ATAT1: variants seen among roughly 807,000 people sequenced by gnomAD.
The protein encoded by ATAT1 is alpha tubulin acetyltransferase 1.
ATAT1 carries 42 observed loss-of-function variants against 57.2 expected under a neutral mutation model. The ratio of observed to expected loss-of-function variants is 0.73; its 90% CI spans 0.57 to 0.95. The LOEUF (loss-of-function observed/expected upper bound fraction) is 0.95, where lower values mean the gene tolerates loss of function less well. Among genes scored for constraint, ATAT1 ranks in the 40% least tolerant of loss-of-function variants. The probability of loss-of-function intolerance (pLI) is 0.00; values close to 1 mark genes in which losing one functional copy is unlikely to be tolerated. For synonymous variants in ATAT1, 168 were observed against 187.1 expected (o/e 0.90, Z 0.83); for missense variants, 454 against 523.7 (o/e 0.87, Z 1.30).
Position 30,627,534 on chromosome 6 carries a change from T to G in ATAT1, c.132+14T>G. 1 of 1,611,874 alleles carries G rather than the reference T, an allele frequency of 6.2e-7. No individual in the cohort carries two copies. Among genetic ancestry groups the G allele is most frequent in the Non-Finnish European group, 8.5e-7 (1 of 1,178,802 alleles). On this transcript the variant is annotated intron_variant, in intron 2 of 12. Coordinates refer to ENST00000330083, the MANE Select transcript of ATAT1 (RefSeq NM_001031722.4). Reference sequence around the variant, plus strand: ...GCTTCTGCCAAGGTACTGGAGAGTTTTTAGATGGAGTAAAGGGAGGACCTC... The same window carrying G: ...GCTTCTGCCAAGGTACTGGAGAGTTGTTAGATGGAGTAAAGGGAGGACCTC...
In ATAT1 at chr6:30,631,042, A is replaced by T. The variant is rs116178854; in HGVS notation, c.501+2612A>T. On this transcript the variant is annotated intron_variant, in intron 6 of 12. Coordinates refer to ENST00000330083, the MANE Select transcript of ATAT1 (RefSeq NM_001031722.4). ...GAGAGACAAACAAACATAATAAACA[A>T]TATGGTTAATAAGTGCTCTGGAAAA... Among the ~76,000 whole-genome samples, 1,489 of 152,242 alleles carry T rather than the reference A, an allele frequency of 9.8e-3. 19 individuals are homozygous for T. Among genetic ancestry groups the T allele is most frequent in the African/African-American group, 0.026 (1,074 of 41,536 alleles).
rs747510164 is a variant in ATAT1, at chr6:30,642,879, G to A, written c.800G>A (p.Arg267Gln). The change falls in exon 10 of 13, where the codon CGA (arginine) becomes CAA (glutamine). Residue 267 changes from arginine (R) to glutamine (Q), a missense_variant. Arg to Gln is a conservative substitution (Grantham distance 43). Coordinates refer to ENST00000330083, the MANE Select transcript of ATAT1 (RefSeq NM_001031722.4). ...AGCAGCCTGGGAAACTCACCAGAACGAGGTCCCCTCCGCCCCTTTGTGCCA... is the reference window on the plus strand; with the variant it reads ...AGCAGCCTGGGAAACTCACCAGAACAAGGTCCCCTCCGCCCCTTTGTGCCA... The A allele has an allele frequency of 1.7e-5, 22 of 1,303,514 alleles. No individual in the cohort carries two copies. The highest frequency in any genetic ancestry group is 7.4e-5 in the African/African-American group (4 of 54,346). 80.7% of individuals were successfully genotyped at this position (1,303,514 alleles called of 1,614,324 possible).
intron 6 of ATAT1, 100 bp from the exon 7 acceptor site, chr6:30,640,275 CTG>C (rs1765128638): frequency 7.8e-7 from 1 of 1,281,060 alleles, no homozygotes; most frequent in Non-Finnish European, 1.1e-6. Flanking sequence ...TAAGTACACT[CTG>C]TGATGTTCAC....
chr6:30,642,863 G>A lies in ATAT1; in HGVS notation c.784G>A (p.Gly262Arg). ...CCCACCCCCCCGCTCCAGCAGCCTG[G>A]GAAACTCACCAGAACGAGGTCCCCT... Residue 262 changes from glycine to arginine, a missense_variant, in exon 10 of 13, where the codon GGA (glycine) becomes AGA (arginine). Coordinates refer to ENST00000330083, the MANE Select transcript of ATAT1 (RefSeq NM_001031722.4). 9.6e-7 allele frequency: 1 copy of A among 1,045,018 alleles called. No homozygotes were observed. The highest frequency in any genetic ancestry group is 1.3e-6 in the Non-Finnish European group (1 of 785,600). The allele number at this position is 1,045,018 out of a possible 1,614,324, so 64.7% of individuals were successfully genotyped here.
Position 30,627,086 on chromosome 6 carries a change from GC to G in ATAT1, c.-114del, listed in dbSNP as rs1033323655. On this transcript the variant is annotated 5_prime_UTR_variant, in exon 1 of 13. Transcript: ENST00000330083. ...GCCCCCTTCTCACTGACTAGTGATCGCCCCTTTTGATGTCCAGGCCTGCCTT... is the reference window on the plus strand; with the variant it reads ...GCCCCCTTCTCACTGACTAGTGATCGCCCTTTTGATGTCCAGGCCTGCCTT... The G allele has an allele frequency of 1.9e-6, 3 of 1,554,894 alleles. No individual in the cohort carries two copies. Among genetic ancestry groups the G allele is most frequent in the African/African-American group, 2.7e-5 (2 of 73,454 alleles).
At chr6:30,643,809 A>T in intron 10 of ATAT1, 3 of 1,335,958 alleles carry the variant, frequency 2.2e-6, no homozygotes, top group Non-Finnish European at 2.9e-6. Context: ...CTTTCCCAAC[A>T]GGAAGTCTGA....
In ATAT1 at chr6:30,646,123, C is replaced by T; in HGVS notation, c.1055+14C>T. The T allele has an allele frequency of 6.2e-7, 1 of 1,604,750 alleles. No homozygotes were observed. On this transcript the variant is annotated intron_variant, in intron 12 of 12. Transcript: ENST00000330083. ...AACAAAGAATAGGTGAGGTCTAAAC[C>T]CCTCCCCTAACAGCCTCCCACCACC...
chr6:30,646,153 G>C, intron 12 of ATAT1, 44 bp downstream of exon 12: 1 of 1,590,606 alleles, frequency 6.3e-7, no homozygotes, highest in Non-Finnish European at 8.6e-7. Context: ...ACCACCATCT[G>C]ACTCCCTTCC....
chr6:30,634,849 G>GGGAGCC (rs1763719556), intron 6 of ATAT1, among the ~76,000 whole-genome samples: 2 of 151,962 alleles, frequency 1.3e-5, no homozygotes, highest in African/African-American at 4.8e-5. Context: ...TTAGCCAGGC[G>GGGAGCC]TGGTGGCGGG....
chr6:30,637,514 C>A (rs1017636810), intron 6 of ATAT1, among the ~76,000 whole-genome samples: 2 of 151,972 alleles, frequency 1.3e-5, no homozygotes, highest in Admixed American at 6.6e-5. Context: ...GAAACCCCAT[C>A]TCTATTAAAA....
chr6:30,632,298 G>C (rs1203074462), intron 6 of ATAT1, among the ~76,000 whole-genome samples: 2 of 150,970 alleles, frequency 1.3e-5, no homozygotes, highest in Non-Finnish European at 2.9e-5. Flanking sequence ...AATAGCGCCA[G>C]GTGTGGTATC....
At position 30,627,456 on chromosome 6, in the gene ATAT1, C is replaced by T; in HGVS notation, c.72-4C>T. On this transcript the variant is annotated splice_polypyrimidine_tract_variant and splice_region_variant and intron_variant, in intron 1 of 12. Coordinates refer to ENST00000330083, the MANE Select transcript of ATAT1 (RefSeq NM_001031722.4). ...CTGACTCTTTATTTCTTCTCTTTCT[C>T]TAGTGTTGATCTACAGCAGCAAATT... 1 of 1,613,126 alleles carries T rather than the reference C, an allele frequency of 6.2e-7. No homozygotes were observed. Among genetic ancestry groups the T allele is most frequent in the Non-Finnish European group, 8.5e-7 (1 of 1,179,192 alleles).
chr6:30,633,281 A>G (rs943609981), intron 6 of ATAT1, among the ~76,000 whole-genome samples: 3 of 152,198 alleles, frequency 2.0e-5, no homozygotes, highest in African/African-American at 7.2e-5. Flanking sequence ...TGATATGTCC[A>G]GGTTTGAGTA....
intron 12 of ATAT1, 161 bp downstream of exon 12, chr6:30,646,270 C>G (rs992361580): frequency 2.1e-6 from 3 of 1,458,042 alleles, no homozygotes; most frequent in Non-Finnish European, 1.8e-6. Flanking sequence ...CCCTTTCCCC[C>G]ACAGGTTCAA....
chr6:30,643,947 G>A, intron 10 of ATAT1: 1 of 1,081,314 alleles, frequency 9.2e-7, no homozygotes, highest in Non-Finnish European at 1.1e-6. Flanking sequence ...ACTTTTTAAG[G>A]AATTTTATCT....
Position 30,646,623 on chromosome 6 carries a change from C to A in ATAT1, c.1210C>A (p.Arg404Ser). Reference sequence around the variant, plus strand: ...GTTCATTCGAAACCTGCAGGAACGTCGCAGCACCAGGCCTTGGTGACCGCA... The same window carrying A: ...GTTCATTCGAAACCTGCAGGAACGTAGCAGCACCAGGCCTTGGTGACCGCA... Residue 404 changes from arginine to serine, a missense_variant, in exon 13 of 13, where the codon CGC becomes AGC. Arg to Ser is a moderately radical substitution (Grantham distance 110). Coordinates refer to ENST00000330083, the MANE Select transcript of ATAT1 (RefSeq NM_001031722.4). The A allele has an allele frequency of 6.4e-7, 1 of 1,568,230 alleles. No homozygotes were observed.
intron 10 of ATAT1, 100 bp downstream of exon 10, chr6:30,643,111 G>C (rs531089990): frequency 6.6e-7 from 1 of 1,515,368 alleles, no homozygotes; most frequent in East Asian, 2.3e-5. Context: ...GGATCAATAA[G>C]ATGGGTGGCT....
At position 30,644,273 on chromosome 6, in the gene ATAT1, G is replaced by A. The variant is rs548136932; in HGVS notation, c.932+1262G>A. 1.4e-4 allele frequency: 138 copies of A among 985,814 alleles called. No homozygotes were observed. In the African/African-American group the frequency reaches 2.1e-3, roughly 15 times the overall value. 61.1% of individuals were successfully genotyped at this position (985,814 alleles called of 1,614,324 possible). A position where few individuals can be genotyped will look rare whatever the true frequency, so the allele number is the denominator to read the frequency against. On this transcript the variant is annotated intron_variant, in intron 10 of 12. Transcript: ENST00000330083. ...GATTCTCTGAGGGAGGTTGTTTCTT[G>A]AGAGTAGATCCAGAGTGTCAAGGAT...
At chr6:30,642,711 G>A in intron 9 of ATAT1, 57 bp from the exon 10 acceptor site, 1 of 1,112,062 alleles carries the variant, frequency 9.0e-7, no homozygotes, top group Non-Finnish European at 1.4e-6. Flanking sequence ...TTGCTGTCAT[G>A]ACTCTCTTCC....
Sources: gnomAD v4.1 joint callset for allele counts (sites outside exome capture counted in the v4.1 genomes callset) on GRCh38, gnomAD v4.1.1 for gene constraint, MANE v1.5 for transcripts, NCBI Gene and HGNC (gene_info 2026-07-23, HGNC 2026-07-21) for gene names.